The following GALNT17 variants were observed in gnomAD, a reference collection of about 807,000 sequenced individuals.
GALNT17 encodes polypeptide N-acetylgalactosaminyltransferase 17.
In GALNT17, 29 loss-of-function variants were observed where a neutral mutation model predicts 63.7. The ratio of observed to expected loss-of-function variants is 0.46; its 90% CI spans 0.34 to 0.62. The LOEUF (loss-of-function observed/expected upper bound fraction) is 0.62. GALNT17 is among the 20% of genes least tolerant of loss of function. The probability of loss-of-function intolerance (pLI) is 0.01; values close to 1 mark genes in which losing one functional copy is unlikely to be tolerated. For missense variants in GALNT17, 603 were observed against 799.6 expected, an observed-to-expected ratio of 0.75 and a Z score of 2.97; for synonymous variants, 305 against 318.3, an observed-to-expected ratio of 0.96 and a Z score of 0.45.
intron 3 of GALNT17, among the ~76,000 whole-genome samples, chr7:71,405,606 A>G (rs1419459714): frequency 6.6e-6 from 1 of 152,226 alleles, no homozygotes; most frequent in East Asian, 1.9e-4. Context: ...TAATTTATAA[A>G]CAGTGAAATG....
intron 9 of GALNT17, among the ~76,000 whole-genome samples, chr7:71,706,014 GA>G (rs1791718295): frequency 6.6e-6 from 1 of 152,180 alleles, no homozygotes; most frequent in Non-Finnish European, 1.5e-5. Flanking sequence ...ACATTTGGTT[GA>G]CAGCAGATCC....
intron 5 of GALNT17, among the ~76,000 whole-genome samples, chr7:71,474,426 T>C (rs1380640868): frequency 6.6e-6 from 1 of 152,284 alleles, no homozygotes; most frequent in East Asian, 1.9e-4. Flanking sequence ...CTATTCAAGA[T>C]GGAGTTGCTC....
At chr7:71,234,377 T>C (rs971677610) in intron 1 of GALNT17, among the ~76,000 whole-genome samples, 1 of 152,148 alleles carries the variant, frequency 6.6e-6, no homozygotes, top group Non-Finnish European at 1.5e-5. Context: ...TTCTTGTGGC[T>C]CAGCCTCCCA....
At chr7:71,475,796 G>A (rs755378004) in intron 5 of GALNT17, among the ~76,000 whole-genome samples, 1 of 152,102 alleles carries the variant, frequency 6.6e-6, no homozygotes, top group African/African-American at 2.4e-5. Context: ...ATAGAAACAG[G>A]TATCCCCAGT....
intron 1 of GALNT17, among the ~76,000 whole-genome samples, chr7:71,257,781 C>T (rs1790314640): frequency 6.6e-6 from 1 of 152,092 alleles, no homozygotes; most frequent in African/African-American, 2.4e-5. Context: ...TGTATGGATC[C>T]CGTGATGAGT....
intron 6 of GALNT17, among the ~76,000 whole-genome samples, chr7:71,602,159 C>T (rs75766850): frequency 8.5e-5 from 13 of 152,352 alleles, no homozygotes; most frequent in African/African-American, 2.4e-4. Context: ...AGGAATTTTA[C>T]GACCATCCCT....
intron 6 of GALNT17, among the ~76,000 whole-genome samples, chr7:71,665,088 G>A (rs1466721401): frequency 6.6e-6 from 1 of 152,038 alleles, no homozygotes; most frequent in East Asian, 1.9e-4. Flanking sequence ...ACTGATTCTT[G>A]TGCCTCAGCC....
At chr7:71,664,647 T>A (rs1005374330) in intron 6 of GALNT17, among the ~76,000 whole-genome samples, 1 of 152,144 alleles carries the variant, frequency 6.6e-6, no homozygotes, top group Admixed American at 6.6e-5. Context: ...CAGAACTAGA[T>A]CATTATATAC....
intron 5 of GALNT17, among the ~76,000 whole-genome samples, chr7:71,488,550 C>T (rs1434298859): frequency 6.7e-6 from 1 of 150,188 alleles, no homozygotes; most frequent in Non-Finnish European, 1.5e-5. Flanking sequence ...GATATTCCCA[C>T]TGGGCAAGCC....
intron 1 of GALNT17, among the ~76,000 whole-genome samples, chr7:71,250,854 A>G (rs1389375186): frequency 6.6e-6 from 1 of 152,132 alleles, no homozygotes; most frequent in African/African-American, 2.4e-5. Context: ...GCCTTTCTTA[A>G]GTTTCTGTCT....
intron 1 of GALNT17, among the ~76,000 whole-genome samples, chr7:71,180,417 G>A (rs940040090): frequency 1.9e-4 from 29 of 152,042 alleles, no homozygotes; most frequent in African/African-American, 6.8e-4. Flanking sequence ...GTGAACCACC[G>A]CACCCAGCTA....
intron 5 of GALNT17, among the ~76,000 whole-genome samples, chr7:71,560,233 G>T (rs1287072416): frequency 3.4e-5 from 5 of 146,594 alleles, no homozygotes; most frequent in East Asian, 2.2e-4. Flanking sequence ...ATCACAAATT[G>T]TCCTAAGGTA....
Position 71,388,409 on chromosome 7 carries a change from G to C in GALNT17, c.589+8G>C. On this transcript the variant is annotated splice_region_variant and intron_variant, in intron 3 of 10. Coordinates refer to ENST00000333538, the MANE Select transcript of GALNT17 (RefSeq NM_022479.3). ...ATGACAACAGCGACGAAGGTACAGG[G>C]GTGGCTGACCTGTGCACAGGACATG... The C allele has an allele frequency of 6.2e-7, 1 of 1,613,484 alleles. No individual in the cohort carries two copies. The highest frequency in any genetic ancestry group is 8.5e-7 in the Non-Finnish European group (1 of 1,179,658).
At chr7:71,204,574 T>TC (rs1168646912) in intron 1 of GALNT17, among the ~76,000 whole-genome samples, 1 of 151,158 alleles carries the variant, frequency 6.6e-6, no homozygotes, top group Non-Finnish European at 1.5e-5. Flanking sequence ...CTTTTTCTTT[T>TC]TTTTTTTTTG....
chr7:71,167,261 G>A (rs1269460623), intron 1 of GALNT17, among the ~76,000 whole-genome samples: 5 of 152,084 alleles, frequency 3.3e-5, no homozygotes, highest in East Asian at 1.9e-4. Flanking sequence ...CAGTTCCTCC[G>A]AATCCTTGTC....
intron 10 of GALNT17, 21 bp downstream of exon 10, chr7:71,710,949 G>A: frequency 1.9e-6 from 3 of 1,610,968 alleles, no homozygotes; most frequent in Non-Finnish European, 2.5e-6. Flanking sequence ...TATGGACAGA[G>A]CCAGCACCCA....
At chr7:71,242,241 TTTC>T (rs1203393095) in intron 1 of GALNT17, among the ~76,000 whole-genome samples, 21 of 143,662 alleles carry the variant, frequency 1.5e-4, no homozygotes, top group African/African-American at 5.5e-4. Flanking sequence ...AGGGATCACA[TTTC>T]TTTTTTTTTT....
At chr7:71,490,233 G>A (rs1327678954) in intron 5 of GALNT17, among the ~76,000 whole-genome samples, 1 of 151,138 alleles carries the variant, frequency 6.6e-6, no homozygotes, top group Non-Finnish European at 1.5e-5. Context: ...CTCTAGCCTG[G>A]GTGATAGGGC....
chr7:71,477,761 G>T (rs1351602143), intron 5 of GALNT17, among the ~76,000 whole-genome samples: 1 of 152,190 alleles, frequency 6.6e-6, no homozygotes, highest in African/African-American at 2.4e-5. Context: ...AAAATTAACA[G>T]ATGTGGTCAC....
Sources: allele counts gnomAD v4.1 joint callset (sites outside exome capture counted in the v4.1 genomes callset), GRCh38; gene constraint gnomAD v4.1.1; transcripts MANE v1.5; gene names NCBI Gene and HGNC (gene_info 2026-07-23, HGNC 2026-07-21).